CD86: variants seen among roughly 807,000 people sequenced by gnomAD.
The protein encoded by CD86 is T-lymphocyte activation antigen CD86.
A neutral mutation model predicts 32.1 loss-of-function variants in CD86; 11 were observed. The observed-to-expected ratio is 0.34, with a 90% CI of 0.22 to 0.57. CD86 has a LOEUF of 0.57. CD86 is among the 20% of genes least tolerant of loss of function. The pLI is 0.86. For missense variants in CD86, 359 were observed against 398.4 expected (o/e 0.90, Z 0.84); for synonymous variants, 137 against 135.3 (o/e 1.01, Z -0.09).
chr3:122,089,163 C>A (rs1389778573), intron 1 of CD86, among the ~76,000 whole-genome samples: 1 of 152,028 alleles, frequency 6.6e-6, no homozygotes, highest in Non-Finnish European at 1.5e-5. Context: ...TTGGCAAGAG[C>A]TGAGAGGAGG....
At chr3:122,091,274 G>C (rs2072813980) in intron 1 of CD86, among the ~76,000 whole-genome samples, 1 of 152,038 alleles carries the variant, frequency 6.6e-6, no homozygotes, top group Admixed American at 6.6e-5. Flanking sequence ...ATTTCCTCTG[G>C]ATCCCCTGCT....
At chr3:122,119,346 G>C in intron 6 of CD86, 92 bp from the exon 7 acceptor site, 2 of 760,238 alleles carry the variant, frequency 2.6e-6, no homozygotes, top group Non-Finnish European at 4.6e-6. Flanking sequence ...CTGTTCCAAT[G>C]GCAACCTCTA....
chr3:122,116,769 TAAGTGAAAC>T (rs1489095512), intron 5 of CD86, among the ~76,000 whole-genome samples: 2 of 152,134 alleles, frequency 1.3e-5, no homozygotes, highest in African/African-American at 4.8e-5. Context: ...AGCATTATGC[TAAGTGAAAC>T]AATCCAGGCA....
intron 2 of CD86, among the ~76,000 whole-genome samples, chr3:122,098,821 TG>T (rs1369911096): frequency 9.9e-5 from 15 of 152,192 alleles, no homozygotes; most frequent in Non-Finnish European, 7.3e-5. Flanking sequence ...GGTACACAAA[TG>T]ATTCATCTTG....
chr3:122,113,832 C>T (rs746084125), intron 5 of CD86, among the ~76,000 whole-genome samples: 1 of 152,128 alleles, frequency 6.6e-6, no homozygotes, highest in Non-Finnish European at 1.5e-5. Flanking sequence ...ATACTGTCTT[C>T]AAATATCTGA....
chr3:122,091,638 T>G lies in CD86; in HGVS notation c.52T>G (p.Phe18Val). The change falls in exon 2 of 7, where the codon TTC (phenylalanine) becomes GTC (valine). Residue 18 changes from phenylalanine (F) to valine (V), a missense_variant. By Grantham distance (50) the Phe-to-Val change is conservative. Coordinates refer to ENST00000330540, the MANE Select transcript of CD86 (RefSeq NM_175862.5). ...GLSNILFVMAFLLSGAAPLKI... is the reference protein window; with the variant it reads ...GLSNILFVMAVLLSGAAPLKI... ...GAGTAACATTCTCTTTGTGATGGCCTTCCTGCTCTCTGGTAAGAACCTTTC... is the reference window on the plus strand; with the variant it reads ...GAGTAACATTCTCTTTGTGATGGCCGTCCTGCTCTCTGGTAAGAACCTTTC... 1 of 1,613,194 alleles carries G rather than the reference T, an allele frequency of 6.2e-7. No homozygotes were observed. The highest frequency in any genetic ancestry group is 8.5e-7 in the Non-Finnish European group (1 of 1,179,148).
intron 2 of CD86, among the ~76,000 whole-genome samples, chr3:122,093,002 A>T (rs2072849610): frequency 6.6e-6 from 1 of 152,174 alleles, no homozygotes; most frequent in African/African-American, 2.4e-5. Flanking sequence ...TGACTTAGGT[A>T]ACAACAGCAG....
chr3:122,105,407 A>G (rs1345303306), intron 3 of CD86, among the ~76,000 whole-genome samples: 1 of 152,188 alleles, frequency 6.6e-6, no homozygotes, highest in African/African-American at 2.4e-5. Flanking sequence ...GTAAGAATAC[A>G]CTAAATTATA....
At chr3:122,062,287 A>C (rs1394527457) in intron 1 of CD86, among the ~76,000 whole-genome samples, 2 of 152,160 alleles carry the variant, frequency 1.3e-5, no homozygotes, top group Non-Finnish European at 2.9e-5. Context: ...AATGGGGAGA[A>C]CATTTCTGGA....
chr3:122,112,964 T>C (rs1176200930), intron 5 of CD86, among the ~76,000 whole-genome samples: 2 of 152,236 alleles, frequency 1.3e-5, no homozygotes, highest in Non-Finnish European at 2.9e-5. Flanking sequence ...ACTCGAGCAG[T>C]GTACACTGCA....
intron 2 of CD86, among the ~76,000 whole-genome samples, chr3:122,093,002 A>G (rs2072849610): frequency 6.6e-6 from 1 of 152,174 alleles, no homozygotes; most frequent in Non-Finnish European, 1.5e-5. Context: ...TGACTTAGGT[A>G]ACAACAGCAG....
intron 5 of CD86, among the ~76,000 whole-genome samples, chr3:122,113,551 C>T (rs965452039): frequency 2.0e-5 from 3 of 152,132 alleles, no homozygotes; most frequent in African/African-American, 7.2e-5. Context: ...GCCATTCTTG[C>T]AGGAGTAAGG....
At chr3:122,075,618 G>A (rs1365147308) in intron 1 of CD86, among the ~76,000 whole-genome samples, 1 of 152,200 alleles carries the variant, frequency 6.6e-6, no homozygotes, top group Non-Finnish European at 1.5e-5. Flanking sequence ...GTCCTTGCTT[G>A]AGTGAGAGAC....
intron 5 of CD86, among the ~76,000 whole-genome samples, chr3:122,112,508 G>A (rs1210843399): frequency 1.3e-5 from 2 of 151,958 alleles, no homozygotes; most frequent in Non-Finnish European, 2.9e-5. Context: ...GTAGAGATGG[G>A]TTTTCACCAT....
At chr3:122,113,901 A>G (rs1476664538) in intron 5 of CD86, among the ~76,000 whole-genome samples, 2 of 152,208 alleles carry the variant, frequency 1.3e-5, no homozygotes, top group Admixed American at 6.5e-5. Context: ...GGGCATCTCT[A>G]TGAATGAAGG....
intron 5 of CD86, among the ~76,000 whole-genome samples, chr3:122,111,580 A>G (rs2073174666): frequency 6.6e-6 from 1 of 152,218 alleles, no homozygotes; most frequent in Non-Finnish European, 1.5e-5. Context: ...TCAACCCAGC[A>G]TTTCTAGCTT....
At chr3:122,078,695 T>C (rs927219164) in intron 1 of CD86, among the ~76,000 whole-genome samples, 8 of 152,230 alleles carry the variant, frequency 5.3e-5, no homozygotes, top group African/African-American at 1.7e-4. Context: ...GGTGAACCTA[T>C]TTGCATTTGC....
intron 1 of CD86, among the ~76,000 whole-genome samples, chr3:122,060,486 T>G (rs2072317175): frequency 6.6e-6 from 1 of 152,058 alleles, no homozygotes; most frequent in Non-Finnish European, 1.5e-5. Context: ...TTCCTCCATT[T>G]TAAAGGTTAA....
chr3:122,061,802 A>G (rs964064492), intron 1 of CD86, among the ~76,000 whole-genome samples: 1 of 152,330 alleles, frequency 6.6e-6, no homozygotes, highest in East Asian at 1.9e-4. Flanking sequence ...ATAAAACCAA[A>G]CATGCATTTA....
Sources: allele counts gnomAD v4.1 joint callset (sites outside exome capture counted in the v4.1 genomes callset), GRCh38; gene constraint gnomAD v4.1.1; transcripts MANE v1.5; gene names NCBI Gene and HGNC (gene_info 2026-07-23, HGNC 2026-07-21).